MYSM1: variants seen among roughly 807,000 people sequenced by gnomAD.
The protein encoded by MYSM1 is deubiquitinase MYSM1.
Under a neutral mutation model 116.0 loss-of-function variants are expected in MYSM1, and 51 were observed. The ratio of observed to expected loss-of-function variants is 0.44; its 90% CI spans 0.35 to 0.56. The LOEUF is 0.56. Ranked by LOEUF, MYSM1 falls within the 20% of genes least tolerant of loss-of-function variation. MYSM1 has a pLI of 0.00. For synonymous variants in MYSM1, 313 were observed against 315.2 expected, an observed-to-expected ratio of 0.99 and a Z score of 0.07; for missense variants, 900 against 974.9, an observed-to-expected ratio of 0.92 and a Z score of 1.02.
At position 58,677,010 on chromosome 1, in the gene MYSM1, C is replaced by G; in HGVS notation, c.1306G>C (p.Gly436Arg). 3 of 1,611,658 alleles carry G rather than the reference C, an allele frequency of 1.9e-6. No homozygotes were observed. Among genetic ancestry groups the G allele is most frequent in the Non-Finnish European group, 2.5e-6 (3 of 1,178,760 alleles). Residue 436 changes from glycine to arginine, a missense_variant, in exon 9 of 20, where the codon GGC becomes CGC. By Grantham distance (125) the Gly-to-Arg change is moderately radical. Coordinates refer to ENST00000472487, the MANE Select transcript of MYSM1 (RefSeq NM_001085487.3). The stretch of plus-strand genomic sequence containing the variant: ...TTAACATCTCCACAGTTCTTCAGGC[C>G]AGGACGTACTGAGGTCTTATTTAAG... Reference protein sequence around the residue: ...KYLNKTSVRPGLKNCGDVNCI... With the variant: ...KYLNKTSVRPRLKNCGDVNCI...
rs1557519197 is a variant in MYSM1, at chr1:58,682,487, A to G, written c.557T>C (p.Val186Ala). The G allele has an allele frequency of 6.2e-7, 1 of 1,613,446 alleles. No homozygotes were observed. The highest frequency in any genetic ancestry group is 8.5e-7 in the Non-Finnish European group (1 of 1,179,764). The change falls in exon 8 of 20, where the codon GTT (valine) becomes GCT (alanine). Residue 186 changes from valine to alanine, a missense_variant. By Grantham distance (64) the Val-to-Ala change is moderately conservative. Around this residue, in one of 3 missense-constraint regions of MYSM1, gnomAD observed 622 missense variants for 623.7 expected, o/e 1.00. Coordinates refer to ENST00000472487, the MANE Select transcript of MYSM1 (RefSeq NM_001085487.3). ...PNQKTGHNLQ[V>A]KNEDKGTKAW... Reference sequence around the variant, plus strand: ...CTTTGTCCCTTTATCTTCATTTTTAACTTGAAGATTATGGCCGGTCTTCTG... The same window carrying G: ...CTTTGTCCCTTTATCTTCATTTTTAGCTTGAAGATTATGGCCGGTCTTCTG...
intron 17 of MYSM1, among the ~76,000 whole-genome samples, chr1:58,663,361 A>G (rs1644422351): frequency 6.6e-6 from 1 of 152,214 alleles, no homozygotes; most frequent in East Asian, 1.9e-4. Context: ...CCACTAAAAT[A>G]TCAGAAGAAA....
intron 1 of MYSM1, among the ~76,000 whole-genome samples, chr1:58,697,239 G>T (rs1290792429): frequency 7.5e-6 from 1 of 133,544 alleles, no homozygotes; most frequent in South Asian, 2.4e-4. Flanking sequence ...TACTAAACTA[G>T]GGTACAGTGA....
chr1:58,691,633 C>T (rs756918347), intron 3 of MYSM1, among the ~76,000 whole-genome samples: 15 of 151,948 alleles, frequency 9.9e-5, no homozygotes, highest in Non-Finnish European at 1.5e-4. Flanking sequence ...TTTGGGAGGC[C>T]GAAGCAGGTA....
At chr1:58,679,217 C>T (rs530268964) in intron 8 of MYSM1, among the ~76,000 whole-genome samples, 1 of 151,890 alleles carries the variant, frequency 6.6e-6, no homozygotes, top group Non-Finnish European at 1.5e-5. Context: ...CACTCACTCT[C>T]TTCTATTTCT....
At chr1:58,670,404 C>CA (rs1157060644) in intron 12 of MYSM1, among the ~76,000 whole-genome samples, 1 of 151,954 alleles carries the variant, frequency 6.6e-6, no homozygotes, top group Non-Finnish European at 1.5e-5. Context: ...TTTCACAATA[C>CA]AAAAAAGCAG....
chr1:58,698,550 G>A (rs1038639686), intron 1 of MYSM1, among the ~76,000 whole-genome samples: 5 of 143,652 alleles, frequency 3.5e-5, no homozygotes, highest in African/African-American at 1.3e-4. Context: ...AAGAGAAAAG[G>A]GGAAAAATGA....
chr1:58,672,444 A>G (rs1172941520), intron 11 of MYSM1, among the ~76,000 whole-genome samples: 2 of 152,168 alleles, frequency 1.3e-5, no homozygotes, highest in Non-Finnish European at 2.9e-5. Context: ...TGGGAACAAT[A>G]AAATTAATAA....
intron 7 of MYSM1, among the ~76,000 whole-genome samples, chr1:58,682,789 G>C (rs139447257): frequency 6.6e-6 from 1 of 151,076 alleles, no homozygotes; most frequent in East Asian, 1.9e-4. Context: ...TCCAGCTCCC[G>C]GGTTCATGCC....
intron 7 of MYSM1, 150 bp downstream of exon 7, chr1:58,685,003 T>C (rs751736418): frequency 2.4e-4 from 113 of 464,108 alleles, no homozygotes; most frequent in Non-Finnish European, 3.4e-4. Context: ...ACTGAAGATA[T>C]CCTCTGAGGT....
At chr1:58,680,002 G>C (rs1396250363) in intron 8 of MYSM1, among the ~76,000 whole-genome samples, 1 of 147,022 alleles carries the variant, frequency 6.8e-6, no homozygotes, top group Non-Finnish European at 1.5e-5. Flanking sequence ...ACTCCAGCCT[G>C]GGAGAAAGAG....
chr1:58,665,750 A>G (rs1420205663), intron 16 of MYSM1, 119 bp from the exon 17 acceptor site: 3 of 721,946 alleles, frequency 4.2e-6, no homozygotes, highest in East Asian at 2.8e-5. Flanking sequence ...GGTGCATTAA[A>G]AAGTTCACAT....
At chr1:58,684,167 T>A (rs1644790988) in intron 7 of MYSM1, among the ~76,000 whole-genome samples, 1 of 152,150 alleles carries the variant, frequency 6.6e-6, no homozygotes, top group Admixed American at 6.5e-5. Flanking sequence ...AAATCTTACC[T>A]ACAGGGTAGA....
intron 16 of MYSM1, among the ~76,000 whole-genome samples, chr1:58,666,576 C>CTTTT (rs36057863): frequency 1.5e-5 from 2 of 131,622 alleles, no homozygotes; most frequent in Non-Finnish European, 3.1e-5. Flanking sequence ...TATTTTTTTT[C>CTTTT]TTTTTTTTTT....
At chr1:58,679,241 T>A (rs566851988) in intron 8 of MYSM1, among the ~76,000 whole-genome samples, 2 of 152,256 alleles carry the variant, frequency 1.3e-5, no homozygotes, top group South Asian at 4.1e-4. Flanking sequence ...CAAATGTGAG[T>A]TCCTGTTCAA....
chr1:58,669,612 A>C (rs549826200), intron 12 of MYSM1, among the ~76,000 whole-genome samples: 1 of 152,084 alleles, frequency 6.6e-6, no homozygotes, highest in African/African-American at 2.4e-5. Context: ...AGACCCCTTG[A>C]GCCTAGGAGT....
chr1:58,680,750 G>A (rs1644728467), intron 8 of MYSM1, among the ~76,000 whole-genome samples: 1 of 152,130 alleles, frequency 6.6e-6, no homozygotes, highest in African/African-American at 2.4e-5. Context: ...GAACTAGGAA[G>A]CTCTCTGTAA....
intron 2 of MYSM1, among the ~76,000 whole-genome samples, chr1:58,694,243 T>C (rs921626089): frequency 5.3e-5 from 8 of 152,226 alleles, no homozygotes; most frequent in African/African-American, 1.9e-4. Flanking sequence ...AATAAACTTC[T>C]TGAGAGCAGG....
chr1:58,682,114 T>C lies in MYSM1; in HGVS notation c.930A>G (p.Glu310=). 3.1e-6 allele frequency: 5 copies of C among 1,613,904 alleles called. No individual in the cohort carries two copies. Among genetic ancestry groups the C allele is most frequent in the Non-Finnish European group, 4.2e-6 (5 of 1,179,884 alleles). The change falls in exon 8 of 20, where the codon GAA becomes GAG. Residue 310 remains glutamate (E), a synonymous_variant. Coordinates refer to ENST00000472487, the MANE Select transcript of MYSM1 (RefSeq NM_001085487.3). ...ATTCATTAAATTTCTGGTCATTTAA[T>C]TCAATTGATTTTTTGTCACCATTGC... ...KQSNGDKKSI[E]LNDQKFNELI...
Sources: allele counts gnomAD v4.1 joint callset (sites outside exome capture counted in the v4.1 genomes callset), GRCh38; gene constraint gnomAD v4.1.1; regional missense constraint gnomAD v4.1.1; transcripts MANE v1.5; gene names NCBI Gene and HGNC (gene_info 2026-07-23, HGNC 2026-07-21).